The following CAB39 variants were observed in gnomAD, a reference collection of about 807,000 sequenced individuals.
CAB39 encodes the protein calcium-binding protein 39.
CAB39 carries 8 observed loss-of-function variants against 40.0 expected under a neutral mutation model. The observed-to-expected ratio is 0.20, with a 90% CI of 0.12 to 0.36. The LOEUF (loss-of-function observed/expected upper bound fraction) is 0.36. Among genes scored for constraint, CAB39 ranks in the 10% least tolerant of loss-of-function variants. The pLI, the probability that CAB39 is intolerant of heterozygous loss-of-function variation, is 1.00. For missense variants in CAB39, 270 were observed against 401.1 expected, an observed-to-expected ratio of 0.67 and a Z score of 2.79; for synonymous variants, 156 against 141.6, an observed-to-expected ratio of 1.10 and a Z score of -0.72.
chr2:230,718,295 T>A (rs1246830694), intron 1 of CAB39, among the ~76,000 whole-genome samples: 2 of 152,254 alleles, frequency 1.3e-5, no homozygotes, highest in Non-Finnish European at 2.9e-5. Context: ...TCTCATGAAC[T>A]GTAACTTGCT....
rs1221066981 is a variant in CAB39 at position 230,790,990 on chromosome 2, G to A, written c.233G>A (p.Gly78Glu). 3.7e-6 allele frequency: 6 copies of A among 1,610,538 alleles called. No homozygotes were observed. Among genetic ancestry groups the A allele is most frequent in the Non-Finnish European group, 5.1e-6 (6 of 1,178,632 alleles). The change falls in exon 3 of 9, where the codon GGG becomes GAG. Residue 78 changes from glycine (G) to glutamate (E), a missense_variant. Gly to Glu is a moderately conservative substitution (Grantham distance 98, BLOSUM62 -2). Transcript: ENST00000258418. ...CTTGCTCAAGAACTCTATAATAGTG[G>A]GCTCCTTAGCACCCTGGTAGCTGAT... ...AQLAQELYNS[G>E]LLSTLVADLQ...
chr2:230,811,002 A>G (rs1575963733), intron 6 of CAB39, among the ~76,000 whole-genome samples: 1 of 152,172 alleles, frequency 6.6e-6, no homozygotes, highest in African/African-American at 2.4e-5. Flanking sequence ...CTCTTCCACC[A>G]CTGCCAGTTC....
At chr2:230,716,020 G>A (rs1470940620) in intron 1 of CAB39, among the ~76,000 whole-genome samples, 2 of 152,154 alleles carry the variant, frequency 1.3e-5, no homozygotes, top group Non-Finnish European at 2.9e-5. Context: ...TTTATTTCAA[G>A]GCAGCTTACT....
intron 1 of CAB39, among the ~76,000 whole-genome samples, chr2:230,729,297 A>G (rs901672583): frequency 2.6e-5 from 4 of 152,214 alleles, no homozygotes; most frequent in Admixed American, 2.0e-4. Flanking sequence ...AACAAAACAA[A>G]GATGCCCAGT....
chr2:230,792,453 A>G (rs930646842), intron 3 of CAB39, among the ~76,000 whole-genome samples: 3 of 152,200 alleles, frequency 2.0e-5, no homozygotes, highest in South Asian at 4.1e-4. Flanking sequence ...CTGGAAAGCT[A>G]GCATTTCACT....
rs148786721 is a variant in CAB39, at chr2:230,757,813, C to G, written c.-43-2146C>G. 3.4e-4 allele frequency among the ~76,000 whole-genome samples: 52 copies of G among 152,120 alleles called. 1 individual carries two copies. In the East Asian group the frequency reaches 9.8e-3, roughly 29 times the overall value. On this transcript the variant is annotated intron_variant, in intron 1 of 8. Transcript: ENST00000258418. ...GGAGAAGCAACTTGCATGCTTCCCC[C>G]CCACCCCCTGCCGCCCACTCCCCTG...
At chr2:230,817,983 C>A in intron 8 of CAB39, 86 bp downstream of exon 8, 2 of 1,199,202 alleles carry the variant, frequency 1.7e-6, no homozygotes, top group African/African-American at 1.6e-5. Context: ...ATTAGCCTCA[C>A]TCTGGTAATC....
chr2:230,812,028 A>G (rs3792067), intron 6 of CAB39, among the ~76,000 whole-genome samples: 33,540 of 152,270 alleles, frequency 0.22, 7,184 homozygotes, highest in African/African-American at 0.56. Context: ...ATTTAAAGCC[A>G]CAGGTGAGGT....
intron 2 of CAB39, among the ~76,000 whole-genome samples, chr2:230,787,922 G>A (rs549434656): frequency 3.3e-5 from 5 of 152,290 alleles, no homozygotes; most frequent in African/African-American, 1.2e-4. Flanking sequence ...TGTTTGTCTC[G>A]TAAATTTGTC....
At chr2:230,803,454 G>A (rs1696129543) in intron 5 of CAB39, among the ~76,000 whole-genome samples, 1 of 152,200 alleles carries the variant, frequency 6.6e-6, no homozygotes, top group African/African-American at 2.4e-5. Flanking sequence ...TAGGAAAAGA[G>A]GAAGTCAAAT....
intron 2 of CAB39, among the ~76,000 whole-genome samples, chr2:230,763,885 G>A (rs1283239627): frequency 1.3e-5 from 2 of 152,258 alleles, no homozygotes; most frequent in East Asian, 3.9e-4. Context: ...ACTTTGGGAG[G>A]CCTAGTCGAG....
At chr2:230,808,499 CCT>C (rs1238966942) in intron 5 of CAB39, among the ~76,000 whole-genome samples, 2 of 152,192 alleles carry the variant, frequency 1.3e-5, no homozygotes, top group Non-Finnish European at 2.9e-5. Flanking sequence ...TCCTCATGTT[CCT>C]CTCTCTGCAT....
chr2:230,712,859 G>A lies in CAB39; in HGVS notation c.-415G>A, dbSNP rs1694268747. 6.6e-6 allele frequency: 1 copy of A among 152,014 alleles called. No homozygotes were observed. Among genetic ancestry groups the A allele is most frequent in the African/African-American group, 2.4e-5 (1 of 41,422 alleles). The allele number at this position is 152,014 out of a possible 1,614,324, so 9.4% of individuals were successfully genotyped here. ...GCGGCTGCGCAGTGCGCACGTCAAA[G>A]CCGGGCTCGGGCCGCAAGCGGGGCG... On this transcript the variant is annotated 5_prime_UTR_variant, in exon 1 of 9. Coordinates refer to ENST00000258418, the MANE Select transcript of CAB39 (RefSeq NM_016289.4).
At chr2:230,813,678 G>A (rs1175661478) in intron 6 of CAB39, among the ~76,000 whole-genome samples, 1 of 152,110 alleles carries the variant, frequency 6.6e-6, no homozygotes, top group Non-Finnish European at 1.5e-5. Context: ...ATCAAGATAT[G>A]AGAGCAGACT....
intron 6 of CAB39, among the ~76,000 whole-genome samples, chr2:230,810,579 G>T (rs1696287022): frequency 6.6e-6 from 1 of 152,200 alleles, no homozygotes; most frequent in Non-Finnish European, 1.5e-5. Context: ...CTGCTAAAAT[G>T]ATAGTAAAGA....
intron 1 of CAB39, chr2:230,725,220 A>G (rs1694542276): frequency 3.1e-6 from 5 of 1,597,740 alleles, no homozygotes; most frequent in Non-Finnish European, 4.3e-6. Context: ...TCTTTCAGCC[A>G]TTCCCGGTAG....
chr2:230,783,422 A>G (rs145794770), intron 2 of CAB39, among the ~76,000 whole-genome samples: 1 of 143,500 alleles, frequency 7.0e-6, no homozygotes, highest in East Asian at 2.2e-4. Flanking sequence ...CCGTTCTTAG[A>G]GGGAAGTCTG....
At chr2:230,789,337 G>A (rs1695852253) in intron 2 of CAB39, among the ~76,000 whole-genome samples, 1 of 152,128 alleles carries the variant, frequency 6.6e-6, no homozygotes, top group Non-Finnish European at 1.5e-5. Context: ...TAATGTCCTT[G>A]TTGAGTAATT....
rs774311181 is a variant in CAB39, at chr2:230,819,778, C to T, written c.*1074C>T. ...CCACACCTTCCTGCATCCTATTGGC[C>T]TTATTCATTTTAAATGAGTTAATGA... is the stretch of plus-strand genomic sequence containing the variant. On this transcript the variant is annotated 3_prime_UTR_variant, in exon 9 of 9. Coordinates refer to ENST00000258418, the MANE Select transcript of CAB39 (RefSeq NM_016289.4). 4 of 152,280 alleles carry T rather than the reference C, an allele frequency of 2.6e-5. No individual in the cohort carries two copies. Among genetic ancestry groups the T allele is most frequent in the Non-Finnish European group, 5.9e-5 (4 of 68,038 alleles). The allele number at this position is 152,280 out of a possible 1,614,324, so 9.4% of individuals were successfully genotyped here.
Sources: gnomAD v4.1 joint callset for allele counts (sites outside exome capture counted in the v4.1 genomes callset) on GRCh38, gnomAD v4.1.1 for gene constraint, MANE v1.5 for transcripts, NCBI Gene and HGNC (gene_info 2026-07-23, HGNC 2026-07-21) for gene names.